TTC6: variants seen among roughly 807,000 people sequenced by gnomAD.
The protein encoded by TTC6 is tetratricopeptide repeat protein 6.
Under a neutral mutation model 210.4 loss-of-function variants are expected in TTC6, and 172 were observed. The observed-to-expected ratio is 0.82, with a 90% CI of 0.72 to 0.93. The LOEUF (loss-of-function observed/expected upper bound fraction) is 0.93. TTC6 is among the 40% of genes least tolerant of loss of function. TTC6 has a pLI of 0.00. For missense variants in TTC6, 2,414 were observed against 2,318.1 expected (o/e 1.04, Z -0.85); for synonymous variants, 804 against 819.6 (o/e 0.98, Z 0.32).
At chr14:37,750,093 T>G (rs188053434) in intron 12 of TTC6, among the ~76,000 whole-genome samples, 78 of 152,294 alleles carry the variant, frequency 5.1e-4, no homozygotes, top group African/African-American at 1.8e-3. Context: ...ACTGCTCATC[T>G]CACAACGAAA....
chr14:37,810,406 A>G (rs1205937052), intron 24 of TTC6, among the ~76,000 whole-genome samples: 1 of 152,242 alleles, frequency 6.6e-6, no homozygotes, highest in Non-Finnish European at 1.5e-5. Context: ...ACCTAAATCA[A>G]GTAAAACTGA....
chr14:37,680,773 C>G (rs1015288581), intron 2 of TTC6, among the ~76,000 whole-genome samples: 1 of 152,078 alleles, frequency 6.6e-6, no homozygotes, highest in Non-Finnish European at 1.5e-5. Flanking sequence ...AAAGTATCTC[C>G]TTGTGTATAG....
intron 3 of TTC6, among the ~76,000 whole-genome samples, chr14:37,685,964 G>A (rs1465423362): frequency 6.6e-6 from 1 of 152,134 alleles, no homozygotes; most frequent in Non-Finnish European, 1.5e-5. Context: ...CTTCTAAAAG[G>A]AAGTGGTAAT....
At chr14:37,647,745 G>A (rs2095704154) in intron 1 of TTC6, among the ~76,000 whole-genome samples, 1 of 152,100 alleles carries the variant, frequency 6.6e-6, no homozygotes, top group South Asian at 2.1e-4. Context: ...GAAACTGGAA[G>A]AGATGACCCG....
At chr14:37,687,497 C>G (rs2095796190) in intron 3 of TTC6, among the ~76,000 whole-genome samples, 1 of 152,152 alleles carries the variant, frequency 6.6e-6, no homozygotes, top group Non-Finnish European at 1.5e-5. Flanking sequence ...AGACACCAGC[C>G]AGGGCAGCTA....
intron 3 of TTC6, among the ~76,000 whole-genome samples, chr14:37,696,341 C>T (rs2095814829): frequency 6.6e-6 from 1 of 151,926 alleles, no homozygotes; most frequent in Non-Finnish European, 1.5e-5. Flanking sequence ...AAATATAAAG[C>T]ACTAAAGTTT....
chr14:37,612,048 C>T (rs1398855235), intron 2 of TTC6, among the ~76,000 whole-genome samples: 2 of 151,856 alleles, frequency 1.3e-5, no homozygotes, highest in African/African-American at 4.8e-5. Flanking sequence ...TTCATATCTA[C>T]AACTTTATAG....
chr14:37,806,171 A>G (rs1218755607), intron 21 of TTC6, among the ~76,000 whole-genome samples, 190 bp from the exon 24 acceptor site: 2 of 152,226 alleles, frequency 1.3e-5, no homozygotes, highest in Non-Finnish European at 2.9e-5. Context: ...TAATTATAAT[A>G]ATCAACCCTA....
intron 3 of TTC6, among the ~76,000 whole-genome samples, chr14:37,695,360 A>G (rs1370348913): frequency 1.3e-5 from 2 of 151,958 alleles, no homozygotes; most frequent in Non-Finnish European, 2.9e-5. Context: ...TTATTTATTT[A>G]TTTATTTATT....
chr14:37,737,816 AG>A, intron 9 of TTC6, 82 bp downstream of exon 11: 3 of 752,318 alleles, frequency 4.0e-6, no homozygotes, highest in Non-Finnish European at 6.1e-6. Context: ...TTTTTTTAAA[AG>A]CATCTACTTC....
exon 11 of TTC6, chr14:37,749,168 T>A (rs1331659738): frequency 6.5e-7 from 1 of 1,535,204 alleles, no homozygotes; most frequent in East Asian, 2.4e-5. Flanking sequence ...TGATAAAATA[T>A]CAGTTCCTGA....
intron 26 of TTC6, among the ~76,000 whole-genome samples, chr14:37,819,228 G>A (rs1190845190): frequency 1.3e-5 from 2 of 152,130 alleles, no homozygotes; most frequent in African/African-American, 4.8e-5. Flanking sequence ...ACAATATGGA[G>A]TGTTTAGTGA....
chr14:37,771,280 T>C (rs1490392152), intron 14 of TTC6, among the ~76,000 whole-genome samples: 1 of 152,096 alleles, frequency 6.6e-6, no homozygotes, highest in African/African-American at 2.4e-5. Context: ...CAATTATGTG[T>C]CTTGGAGTTG....
chr14:37,703,122 A>T (rs1163398850), intron 5 of TTC6, among the ~76,000 whole-genome samples: 1 of 152,002 alleles, frequency 6.6e-6, no homozygotes, highest in Non-Finnish European at 1.5e-5. Context: ...AAATACATAA[A>T]CATAATCTAG....
chr14:37,742,088 T>G (rs117562237), intron 10 of TTC6, among the ~76,000 whole-genome samples: 246 of 152,308 alleles, frequency 1.6e-3, no homozygotes, highest in Non-Finnish European at 2.8e-3. Flanking sequence ...GCTAGCCTCT[T>G]GATCTCTACC....
At chr14:37,751,968 T>G (rs980824018) in intron 13 of TTC6, among the ~76,000 whole-genome samples, 2 of 151,434 alleles carry the variant, frequency 1.3e-5, no homozygotes, top group Non-Finnish European at 2.9e-5. Flanking sequence ...GGGCTACAGG[T>G]GCCCGCCACT....
At chr14:37,738,755 C>T (rs1180451220) in intron 9 of TTC6, 21 bp from the exon 12 acceptor site, 2 of 1,422,596 alleles carry the variant, frequency 1.4e-6, no homozygotes, top group Non-Finnish European at 1.8e-6. Context: ...GTTTTTTCTA[C>T]CTCTTTGCTT....
chr14:37,762,433 T>C (rs2095987294), intron 14 of TTC6, among the ~76,000 whole-genome samples: 1 of 152,218 alleles, frequency 6.6e-6, no homozygotes, highest in Non-Finnish European at 1.5e-5. Context: ...TAACTTAAAA[T>C]CCCACCAACA....
chr14:37,697,270 C>A (rs889545094), intron 4 of TTC6, among the ~76,000 whole-genome samples: 1 of 152,028 alleles, frequency 6.6e-6, no homozygotes, highest in African/African-American at 2.4e-5. Flanking sequence ...CATTATTTTT[C>A]TCTACCATTA....
Sources: gnomAD v4.1 joint callset for allele counts (sites outside exome capture counted in the v4.1 genomes callset) on GRCh38, gnomAD v4.1.1 for gene constraint, MANE v1.5 for transcripts, NCBI Gene and HGNC (gene_info 2026-07-23, HGNC 2026-07-21) for gene names.